Variants in CYTH3 observed in about 807,000 individuals in gnomAD.
CYTH3 encodes cytohesin-3.
Under a neutral mutation model 55.1 loss-of-function variants are expected in CYTH3, and 23 were observed. That is an observed-to-expected ratio of 0.42 (90% confidence interval 0.30 to 0.59). CYTH3 has a LOEUF of 0.59. CYTH3 is among the 20% of genes least tolerant of loss of function. The pLI is 0.20. For synonymous variants in CYTH3, 249 were observed against 194.9 expected (o/e 1.28, Z -2.31); for missense variants, 413 against 524.8 (o/e 0.79, Z 2.08).
At chr7:6,238,457 T>G (rs1352618560) in intron 1 of CYTH3, among the ~76,000 whole-genome samples, 1 of 152,208 alleles carries the variant, frequency 6.6e-6, no homozygotes, top group East Asian at 1.9e-4. Flanking sequence ...GAAAGTACTA[T>G]GCTTAGTAAA....
chr7:6,234,618 C>T (rs1190272523), intron 1 of CYTH3, among the ~76,000 whole-genome samples: 2 of 152,164 alleles, frequency 1.3e-5, no homozygotes, highest in Admixed American at 6.5e-5. Context: ...TGACTGGAAG[C>T]CCCTGGGGAC....
intron 1 of CYTH3, among the ~76,000 whole-genome samples, chr7:6,195,903 A>T (rs966681415): frequency 3.9e-5 from 6 of 152,214 alleles, no homozygotes; most frequent in African/African-American, 1.4e-4. Flanking sequence ...CAAGGTGCTC[A>T]TCAAAGTCCA....
rs1562871477 is a variant in CYTH3 at position 6,164,659 on chromosome 7, G to A, written c.*285C>T. 6.2e-6 allele frequency: 3 copies of A among 485,238 alleles called. No homozygotes were observed. The highest frequency in any genetic ancestry group is 1.1e-5 in the Non-Finnish European group (3 of 269,838). 30.1% of individuals were successfully genotyped at this position (485,238 alleles called of 1,614,324 possible). A position where few individuals can be genotyped will look rare whatever the true frequency, so the allele number is the denominator to read the frequency against. On this transcript the variant is annotated 3_prime_UTR_variant, in exon 13 of 13. Coordinates refer to ENST00000350796, the MANE Select transcript of CYTH3 (RefSeq NM_004227.4). Reference sequence around the variant, plus strand: ...TGGTCGCAGGAAGGAAATGCTTCTGGACATGCGCAGCCGACCATGACCCCA... The same window carrying A: ...TGGTCGCAGGAAGGAAATGCTTCTGAACATGCGCAGCCGACCATGACCCCA...
At chr7:6,202,589 G>A (rs1168097403) in intron 1 of CYTH3, among the ~76,000 whole-genome samples, 1 of 151,286 alleles carries the variant, frequency 6.6e-6, no homozygotes, top group Non-Finnish European at 1.5e-5. Context: ...TCAGCCTCCT[G>A]AGTGGCTGGG....
At chr7:6,212,617 A>G (rs1019849386) in intron 1 of CYTH3, 6 of 151,634 alleles carry the variant, frequency 4.0e-5, no homozygotes, top group African/African-American at 1.5e-4. Context: ...TCCTTTTTTA[A>G]AAACATTTTC....
intron 1 of CYTH3, among the ~76,000 whole-genome samples, chr7:6,259,758 TATATATATATATATTATATATATATA>T (rs1480109326): frequency 0.065 from 1,758 of 27,148 alleles, 108 homozygotes; most frequent in Non-Finnish European, 0.075. Flanking sequence ...ATATATATAT[TATATATATATATATTATATATATATA>T]ATATATATAT....
chr7:6,225,126 C>T (rs537116389), intron 1 of CYTH3, among the ~76,000 whole-genome samples: 1 of 152,118 alleles, frequency 6.6e-6, no homozygotes, highest in African/African-American at 2.4e-5. Flanking sequence ...GCTGTAATTC[C>T]AAAACAAATT....
chr7:6,177,114 A>G (rs1456080324), intron 5 of CYTH3, among the ~76,000 whole-genome samples: 1 of 152,224 alleles, frequency 6.6e-6, no homozygotes, highest in Non-Finnish European at 1.5e-5. Flanking sequence ...AGTCATAAGG[A>G]TAGGGTCTGC....
chr7:6,180,514 G>A (rs374123784), intron 4 of CYTH3, among the ~76,000 whole-genome samples: 5 of 152,160 alleles, frequency 3.3e-5, no homozygotes, highest in African/African-American at 4.8e-5. Context: ...CGCCAGGAGC[G>A]AGGCTGGAAG....
chr7:6,188,056 G>T (rs1783700043), intron 2 of CYTH3, among the ~76,000 whole-genome samples: 1 of 152,152 alleles, frequency 6.6e-6, no homozygotes, highest in Non-Finnish European at 1.5e-5. Flanking sequence ...GCCAGGAGCA[G>T]TGGCTCATGC....
chr7:6,245,262 T>C (rs1036420390), intron 1 of CYTH3, among the ~76,000 whole-genome samples: 11 of 152,132 alleles, frequency 7.2e-5, no homozygotes, highest in Non-Finnish European at 1.5e-4. Context: ...TTGTTTGTAG[T>C]TTTAGCTTTT....
At chr7:6,168,666 C>T (rs1210382019) in intron 9 of CYTH3, among the ~76,000 whole-genome samples, 1 of 152,246 alleles carries the variant, frequency 6.6e-6, no homozygotes, top group African/African-American at 2.4e-5. Context: ...CCAGCCAGCT[C>T]TTGGTTCCCG....
At chr7:6,166,396 G>A (rs558611573) in intron 9 of CYTH3, among the ~76,000 whole-genome samples, 19 of 152,348 alleles carry the variant, frequency 1.2e-4, no homozygotes, top group East Asian at 1.2e-3. Flanking sequence ...TAGCCTTGCC[G>A]GTGTTTGTTT....
intron 1 of CYTH3, among the ~76,000 whole-genome samples, chr7:6,260,231 G>A (rs994259626): frequency 6.6e-6 from 1 of 151,940 alleles, no homozygotes; most frequent in African/African-American, 2.4e-5. Context: ...ATTACAAGCT[G>A]ACAAACCCGC....
chr7:6,164,619 C>A lies in CYTH3; in HGVS notation c.*325G>T. On this transcript the variant is annotated 3_prime_UTR_variant, in exon 13 of 13. Transcript: ENST00000350796. ...GAAGCTGCTGTCCTGGCTTCTCCCC[C>A]TAGGGGCGCCGGGATGGTCGCAGGA... The A allele has an allele frequency of 2.6e-6, 1 of 383,708 alleles. No individual in the cohort carries two copies. The highest frequency in any genetic ancestry group is 2.9e-5 in the South Asian group (1 of 33,952). The allele number at this position is 383,708 out of a possible 1,614,324, so 23.8% of individuals were successfully genotyped here. A position where few individuals can be genotyped will look rare whatever the true frequency, so the allele number is the denominator to read the frequency against.
intron 4 of CYTH3, 124 bp from the exon 5 acceptor site, chr7:6,178,065 A>T (rs1327732356): frequency 1.5e-5 from 10 of 678,216 alleles, no homozygotes; most frequent in Non-Finnish European, 2.3e-5. Context: ...TACCAGAGAC[A>T]CCCATACAAC....
chr7:6,198,005 G>A (rs77238768), intron 1 of CYTH3, among the ~76,000 whole-genome samples: 1,939 of 151,310 alleles, frequency 0.013, 34 homozygotes, highest in African/African-American at 0.044. Context: ...GAAGTGGGGG[G>A]ATCGCTTGAG....
chr7:6,188,463 C>T (rs1448904970), intron 2 of CYTH3, among the ~76,000 whole-genome samples: 1 of 152,176 alleles, frequency 6.6e-6, no homozygotes, highest in Non-Finnish European at 1.5e-5. Flanking sequence ...TCCTTCAACA[C>T]TGCCTGTGTT....
chr7:6,230,880 A>G (rs1239856685), intron 1 of CYTH3, among the ~76,000 whole-genome samples: 2 of 152,228 alleles, frequency 1.3e-5, no homozygotes, highest in Non-Finnish European at 2.9e-5. Context: ...GTAATTTTCT[A>G]TAATTTTTTT....
Sources: gnomAD v4.1 joint callset for allele counts (sites outside exome capture counted in the v4.1 genomes callset) on GRCh38, gnomAD v4.1.1 for gene constraint, MANE v1.5 for transcripts, NCBI Gene and HGNC (gene_info 2026-07-23, HGNC 2026-07-21) for gene names.